Variants in NAV1 observed in about 807,000 individuals in gnomAD.
NAV1 encodes the protein pore membrane and/or filament interacting like protein 3.
In NAV1, 18 loss-of-function variants were observed where a neutral mutation model predicts 175.2. The observed-to-expected ratio is 0.10, with a 90% CI of 0.07 to 0.15. The LOEUF (loss-of-function observed/expected upper bound fraction) is 0.15. Ranked by LOEUF, NAV1 falls within the 10% of genes least tolerant of loss-of-function variation. The probability of loss-of-function intolerance (pLI) is 1.00; values close to 1 mark genes in which losing one functional copy is unlikely to be tolerated. For synonymous variants in NAV1, 897 were observed against 978.7 expected (o/e 0.92, Z 1.56); for missense variants, 1,731 against 2,436.6 (o/e 0.71, Z 6.10).
upstream of NAV1, among the ~76,000 whole-genome samples, chr1:201,645,178 C>A (rs886770350): frequency 3.9e-5 from 6 of 151,936 alleles, no homozygotes; most frequent in Admixed American, 2.6e-4. Flanking sequence ...TAGACTGGAT[C>A]AAGAAGATGT....
intron 1 of NAV1, among the ~76,000 whole-genome samples, chr1:201,565,457 A>G (rs1262236386): frequency 6.6e-6 from 1 of 152,214 alleles, no homozygotes; most frequent in African/African-American, 2.4e-5. Flanking sequence ...AGGCACACAA[A>G]GTTTCCCTTG....
upstream of NAV1, among the ~76,000 whole-genome samples, chr1:201,622,507 G>A (rs970455685): frequency 2.0e-5 from 3 of 152,164 alleles, no homozygotes; most frequent in African/African-American, 7.2e-5. Flanking sequence ...AGGCCTGAGG[G>A]GGAGGAGCTG....
intron 11 of NAV1, 69 bp from the exon 16 acceptor site, chr1:201,790,485 G>T: frequency 6.3e-7 from 1 of 1,580,416 alleles, no homozygotes; most frequent in Non-Finnish European, 8.7e-7. Flanking sequence ...ACTGGGACCT[G>T]ACTTCTTCAC....
intron 1 of NAV1, among the ~76,000 whole-genome samples, chr1:201,704,244 G>C (rs1671565453): frequency 6.6e-6 from 1 of 152,240 alleles, no homozygotes; most frequent in Non-Finnish European, 1.5e-5. Flanking sequence ...AGTCCTGGGA[G>C]GAAAGGAGCT....
intron 3 of NAV1, among the ~76,000 whole-genome samples, chr1:201,777,601 T>C (rs1339032351): frequency 6.6e-6 from 1 of 151,888 alleles, no homozygotes; most frequent in Non-Finnish European, 1.5e-5. Context: ...ACTTTTATTT[T>C]TTTTTCAAGC....
chr1:201,541,698 C>G (rs1272054176), intron 1 of NAV1, among the ~76,000 whole-genome samples: 1 of 152,116 alleles, frequency 6.6e-6, no homozygotes, highest in Non-Finnish European at 1.5e-5. Flanking sequence ...TGCTTGAACC[C>G]GGGAGGCAGA....
At chr1:201,749,781 G>T (rs1482489732) in intron 3 of NAV1, among the ~76,000 whole-genome samples, 4 of 152,136 alleles carry the variant, frequency 2.6e-5, no homozygotes, top group Non-Finnish European at 5.9e-5. Flanking sequence ...CATACCTGTG[G>T]TCCTGGCTAC....
chr1:201,791,946 C>T (rs1677146247), intron 13 of NAV1: 1 of 152,166 alleles, frequency 6.6e-6, no homozygotes. Context: ...TCCTGCACAC[C>T]CCAGGAAATT....
At chr1:201,602,659 T>G (rs1667553301) in intron 2 of NAV1, among the ~76,000 whole-genome samples, 2 of 123,508 alleles carry the variant, frequency 1.6e-5, no homozygotes, top group South Asian at 5.5e-4. Context: ...TGGTTTTTTT[T>G]TTTTTTGGTT....
intron 2 of NAV1, among the ~76,000 whole-genome samples, chr1:201,599,804 T>A (rs141226773): frequency 1.3e-5 from 2 of 152,134 alleles, no homozygotes; most frequent in East Asian, 1.9e-4. Context: ...CAAGGAGAGA[T>A]ATTTAGTGGT....
chr1:201,682,511 T>C (rs971984293), intron 1 of NAV1, among the ~76,000 whole-genome samples: 1 of 152,166 alleles, frequency 6.6e-6, no homozygotes, highest in Non-Finnish European at 1.5e-5. Context: ...CTCATTATCT[T>C]ATTTTCTTTA....
intron 3 of NAV1, among the ~76,000 whole-genome samples, chr1:201,728,806 G>T (rs887764920): frequency 2.0e-5 from 3 of 152,118 alleles, no homozygotes; most frequent in Non-Finnish European, 4.4e-5. Flanking sequence ...CTCAGTCTGT[G>T]CAGCATTAAT....
intron 1 of NAV1, among the ~76,000 whole-genome samples, chr1:201,541,168 C>T (rs922903484): frequency 3.3e-5 from 5 of 152,168 alleles, no homozygotes; most frequent in African/African-American, 1.2e-4. Flanking sequence ...GTGCACATGC[C>T]TATCTTCCTG....
At chr1:201,752,752 G>A (rs1021954752) in intron 3 of NAV1, among the ~76,000 whole-genome samples, 7 of 151,934 alleles carry the variant, frequency 4.6e-5, no homozygotes, top group Admixed American at 1.3e-4. Context: ...TGGTTTACAC[G>A]AAAAAAATCA....
At chr1:201,804,444 T>G (rs1018433892) in intron 16 of NAV1, 45 bp from the exon 21 acceptor site, 10 of 1,538,062 alleles carry the variant, frequency 6.5e-6, no homozygotes, top group Non-Finnish European at 8.8e-6. Flanking sequence ...GATTCTTTTT[T>G]TTTTTCCTTC....
At chr1:201,783,530 G>C (rs775019930) in exon 7 of NAV1, 1 of 1,614,174 alleles carries the variant, frequency 6.2e-7, no homozygotes, top group South Asian at 1.1e-5. Flanking sequence ...AGATCTGCAT[G>C]CTACAAGCTC....
At chr1:201,595,655 G>A (rs1014994308) in intron 2 of NAV1, among the ~76,000 whole-genome samples, 1 of 152,240 alleles carries the variant, frequency 6.6e-6, no homozygotes, top group Admixed American at 6.5e-5. Context: ...CACAGCAAGT[G>A]GGCTGGGTCT....
chr1:201,570,000 T>C (rs1666482483), intron 1 of NAV1, among the ~76,000 whole-genome samples: 1 of 152,206 alleles, frequency 6.6e-6, no homozygotes, highest in Non-Finnish European at 1.5e-5. Context: ...TCAAATGAGA[T>C]GACGGATGTG....
At chr1:201,543,491 T>C (rs1280033141) in intron 1 of NAV1, among the ~76,000 whole-genome samples, 2 of 132,198 alleles carry the variant, frequency 1.5e-5, no homozygotes, top group Non-Finnish European at 3.6e-5. Flanking sequence ...CTGGGATAAA[T>C]CCCTCTGAAT....
Sources: allele counts gnomAD v4.1 joint callset (sites outside exome capture counted in the v4.1 genomes callset), GRCh38; gene constraint gnomAD v4.1.1; transcripts MANE v1.5; gene names NCBI Gene and HGNC (gene_info 2026-07-23, HGNC 2026-07-21).